Variants in TANGO2 observed in about 807,000 individuals in gnomAD.
TANGO2 encodes transport and golgi organization 2 homolog.
In TANGO2, 26 loss-of-function variants were observed where a neutral mutation model predicts 39.1. The ratio of observed to expected loss-of-function variants is 0.67; its 90% CI spans 0.49 to 0.92. The LOEUF is 0.92. TANGO2 is among the 40% of genes least tolerant of loss of function. The probability of loss-of-function intolerance (pLI) is 0.00; values close to 1 mark genes in which losing one functional copy is unlikely to be tolerated. For missense variants in TANGO2, 326 were observed against 360.1 expected (o/e 0.91, Z 0.77); for synonymous variants, 131 against 144.5 (o/e 0.91, Z 0.67).
chr22:20,047,633 C>T (rs2045494185), intron 3 of TANGO2, among the ~76,000 whole-genome samples: 1 of 152,200 alleles, frequency 6.6e-6, no homozygotes, highest in Non-Finnish European at 1.5e-5. Context: ...CTAAGCCCCT[C>T]TTCTCAGCTC....
chr22:20,029,268 G>A lies in TANGO2; in HGVS notation c.-39-7492G>A, dbSNP rs576362633. On this transcript the variant is annotated intron_variant, in intron 1 of 8. Transcript: ENST00000327374. ...TAGGCTGGAGAGGGGATTCTAGAGCGGGGTGGCTCTCAGAAGCAGAAGGTG... is the reference window on the plus strand; with the variant it reads ...TAGGCTGGAGAGGGGATTCTAGAGCAGGGTGGCTCTCAGAAGCAGAAGGTG... Among the ~76,000 whole-genome samples, 42 of 152,144 alleles carry A rather than the reference G, an allele frequency of 2.8e-4. 1 individual carries two copies. The highest frequency in any genetic ancestry group is 1.9e-4 in the East Asian group (1 of 5,190).
At position 20,064,907 on chromosome 22, in the gene TANGO2, A is replaced by G; in HGVS notation, c.*245A>G. Reference sequence around the variant, plus strand: ...GGTCTAGGACCGGCCGAGGTATACCATGAACATGTGGATACACCTGAGCCC... The same window carrying G: ...GGTCTAGGACCGGCCGAGGTATACCGTGAACATGTGGATACACCTGAGCCC... On this transcript the variant is annotated 3_prime_UTR_variant, in exon 9 of 9. Transcript: ENST00000327374. The G allele has an allele frequency of 3.9e-6, 2 of 506,402 alleles. No individual in the cohort carries two copies. The allele number at this position is 506,402 out of a possible 1,614,324, so 31.4% of individuals were successfully genotyped here.
chr22:20,050,357 GGTTTT>G (rs2046078724), intron 3 of TANGO2, among the ~76,000 whole-genome samples: 2 of 69,204 alleles, frequency 2.9e-5, no homozygotes, highest in East Asian at 6.9e-4. Context: ...TTTTCCTGGT[GGTTTT>G]TTTTTTTTTT....
intron 6 of TANGO2, chr22:20,056,550 C>T (rs1335626731): frequency 1.1e-5 from 5 of 456,670 alleles, no homozygotes; most frequent in Non-Finnish European, 2.2e-5. Context: ...CTCTGCACCA[C>T]TGCCCAGGCT....
intron 1 of TANGO2, among the ~76,000 whole-genome samples, chr22:20,036,231 C>T (rs1489496281): frequency 7.9e-5 from 12 of 152,168 alleles, no homozygotes; most frequent in Non-Finnish European, 1.6e-4. Flanking sequence ...TGTGACCCCA[C>T]AGTACTCGGC....
Position 20,046,019 on chromosome 22 carries a change from G to C in TANGO2, c.145+2576G>C, listed in dbSNP as rs182595270. Among the ~76,000 whole-genome samples the C allele has an allele frequency of 8.5e-5, 13 of 152,166 alleles. No homozygotes were observed. In the East Asian group the frequency reaches 2.5e-3, roughly 29 times the overall value. ...GTGAGCACTGGTGGTTCTTGCCCCAGTGTCATATAGTCTCCTCCCTGAGAT... is the reference window on the plus strand; with the variant it reads ...GTGAGCACTGGTGGTTCTTGCCCCACTGTCATATAGTCTCCTCCCTGAGAT... On this transcript the variant is annotated intron_variant, in intron 3 of 8. Transcript: ENST00000327374.
upstream of TANGO2, among the ~76,000 whole-genome samples, chr22:20,020,098 A>T (rs1188684994): frequency 6.6e-6 from 1 of 152,202 alleles, no homozygotes; most frequent in East Asian, 1.9e-4. Flanking sequence ...GGTTGAAGCT[A>T]ATGTGGCCTC....
intron 3 of TANGO2, among the ~76,000 whole-genome samples, chr22:20,050,425 G>A (rs535418078): frequency 4.3e-5 from 6 of 138,896 alleles, no homozygotes; most frequent in African/African-American, 1.3e-4. Context: ...GTGCAATGGC[G>A]CCATCTCTGC....
At chr22:20,021,855 C>T (rs187339970) in intron 1 of TANGO2, among the ~76,000 whole-genome samples, 16 of 152,370 alleles carry the variant, frequency 1.1e-4, no homozygotes, top group Middle Eastern at 3.4e-3. Context: ...TAGCACCTCT[C>T]CTGTGCTCCC....
chr22:20,036,437 C>T (rs536188163), intron 1 of TANGO2, among the ~76,000 whole-genome samples: 14 of 152,334 alleles, frequency 9.2e-5, no homozygotes, highest in Admixed American at 7.2e-4. Context: ...CCTGCCCTCA[C>T]TTCTGCTGCC....
chr22:20,036,877 G>A (rs1318214025), intron 2 of TANGO2, 23 bp downstream of exon 2: 2 of 1,614,232 alleles, frequency 1.2e-6, no homozygotes, highest in Non-Finnish European at 1.7e-6. Flanking sequence ...CTCTGCATCT[G>A]CTGCGCCCTG....
At chr22:20,061,782 C>T in intron 7 of TANGO2, 99 bp downstream of exon 7, 1 of 1,400,510 alleles carries the variant, frequency 7.1e-7, no homozygotes, top group African/African-American at 1.5e-5. Flanking sequence ...TGGAAGTGGC[C>T]AGGCTGGGTC....
At position 20,055,949 on chromosome 22, in the gene TANGO2, A is replaced by G; in HGVS notation, c.387A>G (p.Ala129=). The change falls in exon 6 of 9, where the codon GCA becomes GCG. Residue 129 remains alanine (A), a synonymous_variant. Coordinates refer to ENST00000327374, the MANE Select transcript of TANGO2 (RefSeq NM_152906.7). ...CTCTCCCCTTGGCCTGCAGCACAGC[A>G]AAGGGAGACGTCATTTGCTACTATG... The part of the protein sequence containing the change: ...FNLIAADLST[A]KGDVICYYGN... 1 of 1,613,894 alleles carries G rather than the reference A, an allele frequency of 6.2e-7. No homozygotes were observed. Among genetic ancestry groups the G allele is most frequent in the Non-Finnish European group, 8.5e-7 (1 of 1,179,790 alleles).
chr22:20,061,769 C>A, intron 7 of TANGO2, 86 bp downstream of exon 7: 2 of 1,441,836 alleles, frequency 1.4e-6, no homozygotes, highest in Admixed American at 2.5e-5. Flanking sequence ...CCCGGGAGGC[C>A]CATGGAAGTG....
chr22:20,052,579 G>A lies in TANGO2; in HGVS notation c.260G>A (p.Gly87Glu). 6.4e-7 allele frequency: 1 copy of A among 1,562,418 alleles called. No homozygotes were observed. Among genetic ancestry groups the A allele is most frequent in the Non-Finnish European group, 8.7e-7 (1 of 1,153,514 alleles). Reference sequence around the variant, plus strand: ...CCGCAGCTGGACTGGCAGGCCCGAGGGCGAGGTAAGGCGAGTGGGGTGGGG... The same window carrying A: ...CCGCAGCTGGACTGGCAGGCCCGAGAGCGAGGTAAGGCGAGTGGGGTGGGG... ...LQPQLDWQAR[G>E]RGELVTHFLT... The change falls in exon 4 of 9, where the codon GGG (glycine) becomes GAG (glutamate). Residue 87 changes from glycine (G) to glutamate (E), a missense_variant. Gly to Glu is a moderately conservative substitution (Grantham distance 98). Transcript: ENST00000327374.
intron 3 of TANGO2, among the ~76,000 whole-genome samples, chr22:20,048,974 T>C (rs1165586572): frequency 1.3e-5 from 2 of 152,318 alleles, no homozygotes; most frequent in East Asian, 3.9e-4. Context: ...AAGTACAGTT[T>C]ATCTTATCTT....
At chr22:20,018,806 G>A (rs369604890), upstream of TANGO2, among the ~76,000 whole-genome samples, 13 of 152,292 alleles carry the variant, frequency 8.5e-5, no homozygotes, top group East Asian at 3.9e-4. Flanking sequence ...GAGGCTGGGC[G>A]CAGTGGCTCA....
chr22:20,035,599 C>T (rs1013799555), intron 1 of TANGO2, among the ~76,000 whole-genome samples: 1 of 152,220 alleles, frequency 6.6e-6, no homozygotes, highest in Non-Finnish European at 1.5e-5. Flanking sequence ...AGTGTGCAGT[C>T]ACCCAGCGTG....
chr22:20,060,076 G>A (rs1218558004), intron 6 of TANGO2, among the ~76,000 whole-genome samples: 8 of 151,814 alleles, frequency 5.3e-5, no homozygotes, highest in Admixed American at 1.3e-4. Context: ...CCAGCCGGGC[G>A]CGGTGGCTCA....
Sources: allele counts gnomAD v4.1 joint callset (sites outside exome capture counted in the v4.1 genomes callset), GRCh38; gene constraint gnomAD v4.1.1; transcripts MANE v1.5; gene names NCBI Gene and HGNC (gene_info 2026-07-23, HGNC 2026-07-21).